The following KCNIP1 variants were observed in gnomAD, a reference collection of about 807,000 sequenced individuals.
KCNIP1 encodes the protein potassium voltage-gated channel interacting protein 1.
Under a neutral mutation model 33.0 loss-of-function variants are expected in KCNIP1, and 18 were observed. That is an observed-to-expected ratio of 0.55 (90% confidence interval 0.38 to 0.81). The LOEUF is 0.81. Ranked by LOEUF, KCNIP1 falls within the 30% of genes least tolerant of loss-of-function variation. KCNIP1 has a pLI of 0.00. For synonymous variants in KCNIP1, 93 were observed against 98.3 expected (o/e 0.95, Z 0.32); for missense variants, 238 against 271.6 (o/e 0.88, Z 0.87).
intron 1 of KCNIP1, among the ~76,000 whole-genome samples, chr5:170,526,719 C>CTTT (rs145988547): frequency 2.1e-4 from 26 of 122,806 alleles, no homozygotes; most frequent in Admixed American, 3.4e-4. Flanking sequence ...ATCTGATTAG[C>CTTT]TTTTTTTTTT....
chr5:170,404,459 G>A (rs1430528559), intron 1 of KCNIP1, among the ~76,000 whole-genome samples: 3 of 152,094 alleles, frequency 2.0e-5, no homozygotes, highest in African/African-American at 7.2e-5. Context: ...TTCTGGGCTG[G>A]GCTAGGCTGA....
chr5:170,381,325 C>G (rs1001099779), intron 1 of KCNIP1, among the ~76,000 whole-genome samples: 7 of 152,200 alleles, frequency 4.6e-5, no homozygotes, highest in Non-Finnish European at 8.8e-5. Flanking sequence ...GTAAGGTCCC[C>G]AGGACAGACA....
chr5:170,531,554 C>T (rs79910637), intron 1 of KCNIP1, among the ~76,000 whole-genome samples: 3,536 of 152,328 alleles, frequency 0.023, 138 homozygotes, highest in African/African-American at 0.081. Context: ...TCATTGGTAA[C>T]ATCCTAAGTC....
intron 1 of KCNIP1, among the ~76,000 whole-genome samples, chr5:170,585,745 G>A (rs979362154): frequency 6.6e-6 from 1 of 152,196 alleles, no homozygotes. Context: ...TTCCTCCCAG[G>A]GCAGACGGGG....
intron 1 of KCNIP1, among the ~76,000 whole-genome samples, chr5:170,610,270 T>C (rs1243690094): frequency 1.3e-5 from 2 of 152,184 alleles, no homozygotes; most frequent in Admixed American, 1.3e-4. Context: ...GCTTCTAACA[T>C]TGATATCGCA....
At chr5:170,536,388 A>T (rs1248581542) in intron 1 of KCNIP1, among the ~76,000 whole-genome samples, 2 of 132,042 alleles carry the variant, frequency 1.5e-5, no homozygotes, top group African/African-American at 7.9e-5. Flanking sequence ...AGAGGAGAAG[A>T]CCACATCCAC....
chr5:170,373,474 G>A (rs1487311054), intron 1 of KCNIP1, among the ~76,000 whole-genome samples: 1 of 152,080 alleles, frequency 6.6e-6, no homozygotes, highest in African/African-American at 2.4e-5. Context: ...GGTGTATATG[G>A]GTTATATCTA....
intron 5 of KCNIP1, among the ~76,000 whole-genome samples, chr5:170,730,261 G>T (rs1178417136): frequency 6.6e-6 from 1 of 152,016 alleles, no homozygotes; most frequent in Non-Finnish European, 1.5e-5. Context: ...TTCAACTTTG[G>T]TTCACTCATT....
At chr5:170,590,879 G>A (rs6862741) in intron 1 of KCNIP1, among the ~76,000 whole-genome samples, 115,256 of 152,026 alleles carry the variant, frequency 0.76, 44,403 homozygotes, top group East Asian at 0.9. Context: ...CCCCATCCTC[G>A]CCCTTACACT....
chr5:170,499,313 C>T (rs1318439409), upstream of KCNIP1, among the ~76,000 whole-genome samples: 1 of 152,176 alleles, frequency 6.6e-6, no homozygotes, highest in African/African-American at 2.4e-5. Flanking sequence ...ACCCCTGTAA[C>T]CCAGCATGAT....
intron 1 of KCNIP1, among the ~76,000 whole-genome samples, chr5:170,553,440 C>T (rs1756727409): frequency 6.6e-6 from 1 of 152,228 alleles, no homozygotes; most frequent in African/African-American, 2.4e-5. Context: ...AAAGTAACTT[C>T]TCCAAGGTAG....
intron 5 of KCNIP1, among the ~76,000 whole-genome samples, chr5:170,731,901 A>AAAAAAAAAAAG (rs1581558255): frequency 5.1e-5 from 1 of 19,550 alleles, no homozygotes; most frequent in Admixed American, 5.9e-4. Context: ...AAAAAAAAAA[A>AAAAAAAAAAAG]AGAAAAGCTG....
intron 1 of KCNIP1, among the ~76,000 whole-genome samples, chr5:170,653,064 G>A (rs1489337654): frequency 6.6e-6 from 1 of 152,168 alleles, no homozygotes; most frequent in Non-Finnish European, 1.5e-5. Flanking sequence ...AAGGAGCGAG[G>A]GTCTAGGCCT....
intron 5 of KCNIP1, among the ~76,000 whole-genome samples, chr5:170,726,042 G>A (rs1166842299): frequency 6.6e-6 from 1 of 152,056 alleles, no homozygotes; most frequent in Non-Finnish European, 1.5e-5. Flanking sequence ...ATACATAGGA[G>A]AAACATTCTT....
At chr5:170,506,089 A>G (rs964105429) in intron 1 of KCNIP1, among the ~76,000 whole-genome samples, 1 of 152,132 alleles carries the variant, frequency 6.6e-6, no homozygotes, top group African/African-American at 2.4e-5. Flanking sequence ...TCTGACCACC[A>G]TGCGGTCTCA....
At chr5:170,378,449 A>C in intron 1 of KCNIP1, 1 of 464,986 alleles carries the variant, frequency 2.2e-6, no homozygotes, top group Non-Finnish European at 3.8e-6. Flanking sequence ...TTGAGTGGGG[A>C]CAGGTAATAG....
At chr5:170,561,063 C>T (rs1299492667) in intron 1 of KCNIP1, 16 of 455,068 alleles carry the variant, frequency 3.5e-5, no homozygotes, top group East Asian at 6.9e-5. Context: ...CTGGCTGGTG[C>T]GTGGCTGTGC....
intron 1 of KCNIP1, among the ~76,000 whole-genome samples, chr5:170,464,502 C>T (rs959818263): frequency 6.6e-6 from 1 of 152,202 alleles, no homozygotes; most frequent in Non-Finnish European, 1.5e-5. Context: ...TACTTCAAAG[C>T]TATGGCAGTG....
intron 1 of KCNIP1, among the ~76,000 whole-genome samples, chr5:170,567,770 C>A (rs1450955589): frequency 6.6e-6 from 1 of 152,172 alleles, no homozygotes; most frequent in Admixed American, 6.5e-5. Flanking sequence ...CTACCAGAGG[C>A]CATCTGTTAA....
Sources: gnomAD v4.1 joint callset for allele counts (sites outside exome capture counted in the v4.1 genomes callset) on GRCh38, gnomAD v4.1.1 for gene constraint, MANE v1.5 for transcripts, NCBI Gene and HGNC (gene_info 2026-07-23, HGNC 2026-07-21) for gene names.